The following SUPT3H variants were observed in gnomAD, a reference collection of about 807,000 sequenced individuals.
SUPT3H encodes SPT3 homolog, SAGA and STAGA complex component.
Under a neutral mutation model 44.3 loss-of-function variants are expected in SUPT3H, and 44 were observed. The ratio of observed to expected loss-of-function variants is 0.99; its 90% CI spans 0.78 to 1.28. The LOEUF (loss-of-function observed/expected upper bound fraction) is 1.28, where lower values mean the gene tolerates loss of function less well. Ranked by LOEUF, SUPT3H falls within the 50% of genes most tolerant of loss-of-function variation. The pLI, the probability that SUPT3H is intolerant of heterozygous loss-of-function variation, is 0.00. For synonymous variants in SUPT3H, 124 were observed against 125.6 expected, an observed-to-expected ratio of 0.99 and a Z score of 0.09; for missense variants, 380 against 387.1, an observed-to-expected ratio of 0.98 and a Z score of 0.15.
At chr6:44,952,569 T>G (rs912531103) in intron 9 of SUPT3H, among the ~76,000 whole-genome samples, 4 of 152,234 alleles carry the variant, frequency 2.6e-5, no homozygotes, top group African/African-American at 9.6e-5. Flanking sequence ...GAACTTAACC[T>G]TCTTGCTGTC....
At chr6:44,917,398 T>C (rs2153455331) in intron 10 of SUPT3H, among the ~76,000 whole-genome samples, 1 of 152,368 alleles carries the variant, frequency 6.6e-6, no homozygotes, top group South Asian at 2.1e-4. Flanking sequence ...ATGTACATTC[T>C]ATCTAAAAGA....
At chr6:45,214,262 A>G (rs1764652351) in intron 2 of SUPT3H, among the ~76,000 whole-genome samples, 1 of 152,064 alleles carries the variant, frequency 6.6e-6, no homozygotes, top group Admixed American at 6.5e-5. Flanking sequence ...AGTGAAAATA[A>G]CAGAGAAAAA....
At chr6:45,039,927 C>T (rs1380639097) in intron 3 of SUPT3H, among the ~76,000 whole-genome samples, 1 of 151,844 alleles carries the variant, frequency 6.6e-6, no homozygotes, top group Admixed American at 6.6e-5. Context: ...CAGATTAGGA[C>T]AACTGTTATA....
intron 6 of SUPT3H, among the ~76,000 whole-genome samples, chr6:44,963,013 G>T (rs1160965724): frequency 1.3e-5 from 2 of 151,012 alleles, no homozygotes; most frequent in Admixed American, 6.6e-5. Flanking sequence ...TATACTTTTT[G>T]GGCATATACA....
chr6:45,065,507 C>T (rs1188336823), intron 3 of SUPT3H, among the ~76,000 whole-genome samples: 168 of 151,400 alleles, frequency 1.1e-3, no homozygotes, highest in African/African-American at 3.9e-3. Flanking sequence ...CTTCAAAAAT[C>T]AATGAATCCA....
intron 10 of SUPT3H, among the ~76,000 whole-genome samples, chr6:44,891,715 C>T (rs1003361636): frequency 1.3e-5 from 2 of 151,548 alleles, no homozygotes; most frequent in African/African-American, 4.8e-5. Context: ...GTACTGAATT[C>T]CACTGAATGT....
intron 7 of SUPT3H, among the ~76,000 whole-genome samples, chr6:44,959,393 T>C (rs1442600589): frequency 1.3e-5 from 2 of 151,980 alleles, no homozygotes; most frequent in African/African-American, 4.8e-5. Flanking sequence ...CAAGACAGCA[T>C]ATACAATATC....
At chr6:45,377,360 CACTA>C (rs1289567785) in intron 1 of SUPT3H, 2 of 152,250 alleles carry the variant, frequency 1.3e-5, no homozygotes, top group African/African-American at 4.8e-5. Flanking sequence ...GCTACACTCC[CACTA>C]ACTACCTAAC....
intron 3 of SUPT3H, among the ~76,000 whole-genome samples, chr6:45,103,266 T>C (rs955840484): frequency 2.0e-5 from 3 of 152,140 alleles, no homozygotes; most frequent in Non-Finnish European, 2.9e-5. Context: ...ATCTCACAAA[T>C]AGGCATCAAA....
intron 3 of SUPT3H, among the ~76,000 whole-genome samples, chr6:45,088,692 G>A (rs1796774046): frequency 6.6e-6 from 1 of 151,876 alleles, no homozygotes; most frequent in Admixed American, 6.6e-5. Context: ...AGGGATCAGG[G>A]GAGTCACATC....
intron 3 of SUPT3H, among the ~76,000 whole-genome samples, chr6:45,037,419 C>A (rs191325816): frequency 7.3e-5 from 11 of 150,288 alleles, no homozygotes; most frequent in Admixed American, 2.7e-4. Context: ...GAGGCTGAGG[C>A]GGGGGGATCA....
chr6:44,942,983 T>A (rs1772706637), intron 9 of SUPT3H, among the ~76,000 whole-genome samples: 1 of 152,144 alleles, frequency 6.6e-6, no homozygotes, highest in Non-Finnish European at 1.5e-5. Flanking sequence ...TTACTCACAA[T>A]GTCCACTTTA....
chr6:45,074,751 T>G (rs1022888774), intron 3 of SUPT3H, among the ~76,000 whole-genome samples: 11 of 152,052 alleles, frequency 7.2e-5, no homozygotes, highest in Admixed American at 3.9e-4. Context: ...TACATGGGAG[T>G]GCAGAACTGT....
At chr6:45,176,294 G>T (rs536801393) in intron 2 of SUPT3H, among the ~76,000 whole-genome samples, 4 of 151,776 alleles carry the variant, frequency 2.6e-5, no homozygotes, top group South Asian at 2.1e-4. Context: ...TTCCCTTTCC[G>T]AGTCAAAGAA....
chr6:45,070,132 T>C (rs1794144821), intron 3 of SUPT3H, among the ~76,000 whole-genome samples: 1 of 152,150 alleles, frequency 6.6e-6, no homozygotes, highest in African/African-American at 2.4e-5. Flanking sequence ...CATGTTTTCA[T>C]AGGCTATGAA....
chr6:45,134,114 G>T (rs138912945), intron 2 of SUPT3H, among the ~76,000 whole-genome samples: 1 of 152,260 alleles, frequency 6.6e-6, no homozygotes, highest in East Asian at 1.9e-4. Context: ...TTTGGAGGTT[G>T]GGAAGCCCAA....
chr6:45,258,259 C>T (rs946974512), intron 2 of SUPT3H, among the ~76,000 whole-genome samples: 3 of 152,068 alleles, frequency 2.0e-5, no homozygotes, highest in African/African-American at 4.8e-5. Flanking sequence ...ATTAAATGAG[C>T]GTTGTCAGCA....
At chr6:45,124,527 C>T (rs1260695140) in intron 2 of SUPT3H, among the ~76,000 whole-genome samples, 1 of 151,742 alleles carries the variant, frequency 6.6e-6, no homozygotes. Flanking sequence ...TGCCTGTAAT[C>T]CCAGCTGCTT....
At position 45,003,659 on chromosome 6, in the gene SUPT3H, T is replaced by C; in HGVS notation, c.498A>G (p.Arg166=). 2 of 1,613,530 alleles carry C rather than the reference T, an allele frequency of 1.2e-6. No homozygotes were observed. Among genetic ancestry groups the C allele is most frequent in the Non-Finnish European group, 1.7e-6 (2 of 1,179,702 alleles). ...AGGGAAGAATGTACTATACCTCCAT[T>C]CTTTCTTGTTTAACTTCATCAATTT... is the stretch of plus-strand genomic sequence containing the variant. ...DDEIDEVKQE[R]MERAERQTRI... The change falls in exon 6 of 11, where the codon AGA becomes AGG. Residue 166 remains arginine (R), a synonymous_variant. Coordinates refer to ENST00000371459, the MANE Select transcript of SUPT3H (RefSeq NM_003599.4).
Sources: allele counts gnomAD v4.1 joint callset (sites outside exome capture counted in the v4.1 genomes callset), GRCh38; gene constraint gnomAD v4.1.1; transcripts MANE v1.5; gene names NCBI Gene and HGNC (gene_info 2026-07-23, HGNC 2026-07-21).